SHANK2: variants seen among roughly 807,000 people sequenced by gnomAD.
The protein encoded by SHANK2 is SH3 and multiple ankyrin repeat domains 2.
Under a neutral mutation model 133.7 loss-of-function variants are expected in SHANK2, and 43 were observed. The observed-to-expected ratio is 0.32, with a 90% CI of 0.25 to 0.41. The LOEUF (loss-of-function observed/expected upper bound fraction) is 0.41. Ranked by LOEUF, SHANK2 falls within the 10% of genes least tolerant of loss-of-function variation. The pLI, the probability that SHANK2 is intolerant of heterozygous loss-of-function variation, is 1.00. For missense variants in SHANK2, 1,994 were observed against 2,235.8 expected, an observed-to-expected ratio of 0.89 and a Z score of 2.18; for synonymous variants, 1,017 against 952.8, an observed-to-expected ratio of 1.07 and a Z score of -1.24.
chr11:70,579,925 C>T (rs1258106088), intron 17 of SHANK2, among the ~76,000 whole-genome samples: 1 of 152,198 alleles, frequency 6.6e-6, no homozygotes, highest in Admixed American at 6.5e-5. Context: ...GGAACACAGG[C>T]GGCCTCTAGA....
chr11:70,899,616 G>T (rs1321640343), intron 10 of SHANK2, among the ~76,000 whole-genome samples: 1 of 152,188 alleles, frequency 6.6e-6, no homozygotes, highest in African/African-American at 2.4e-5. Context: ...CCAAAAGGGG[G>T]CCATCTCTTC....
intron 14 of SHANK2, among the ~76,000 whole-genome samples, chr11:70,721,532 T>C (rs1335162673): frequency 2.0e-5 from 3 of 152,156 alleles, no homozygotes; most frequent in African/African-American, 4.8e-5. Context: ...CTGTTCTTTC[T>C]GAGGCCAGCT....
intron 2 of SHANK2, among the ~76,000 whole-genome samples, chr11:71,209,792 G>A (rs947931698): frequency 7.2e-5 from 11 of 152,142 alleles, no homozygotes; most frequent in Non-Finnish European, 1.2e-4. Context: ...AGCACCTGCC[G>A]TGAGCTGCCT....
chr11:70,697,027 T>A (rs1945407506), intron 15 of SHANK2, among the ~76,000 whole-genome samples: 1 of 152,180 alleles, frequency 6.6e-6, no homozygotes, highest in African/African-American at 2.4e-5. Context: ...GATGAATACT[T>A]CGGGATTCCA....
chr11:70,616,930 CTGTG>C (rs1312803808), intron 17 of SHANK2, among the ~76,000 whole-genome samples: 5 of 152,152 alleles, frequency 3.3e-5, no homozygotes, highest in Non-Finnish European at 7.4e-5. Flanking sequence ...GTGTGTGCTC[CTGTG>C]TGTGTCTATG....
intron 11 of SHANK2, among the ~76,000 whole-genome samples, chr11:70,855,060 G>T (rs1465446668): frequency 6.6e-6 from 1 of 152,350 alleles, no homozygotes; most frequent in African/African-American, 2.4e-5. Flanking sequence ...CACTCTCAGT[G>T]ACCTGCTAAT....
chr11:70,824,769 G>A (rs781840159), intron 11 of SHANK2, among the ~76,000 whole-genome samples: 12 of 152,238 alleles, frequency 7.9e-5, no homozygotes, highest in Non-Finnish European at 1.6e-4. Flanking sequence ...TGGCCCAGAG[G>A]GCTTCCGGGT....
intron 1 of SHANK2, among the ~76,000 whole-genome samples, chr11:71,250,513 C>T (rs1565536440): frequency 6.6e-6 from 1 of 152,198 alleles, no homozygotes; most frequent in South Asian, 2.1e-4. Flanking sequence ...GACACGACGG[C>T]TTTCCCTCAG....
intron 8 of SHANK2, among the ~76,000 whole-genome samples, chr11:71,084,679 C>G (rs1951353633): frequency 6.6e-6 from 1 of 152,150 alleles, no homozygotes; most frequent in South Asian, 2.1e-4. Flanking sequence ...CCCACCTGCC[C>G]CTGTAATTTC....
intron 8 of SHANK2, among the ~76,000 whole-genome samples, chr11:71,090,009 C>T (rs978207511): frequency 0.95 from 144,550 of 152,200 alleles, 68,688 homozygotes; most frequent in Non-Finnish European, 0.96. Flanking sequence ...AACCCAAAAA[C>T]CTCCGAGTGC....
rs181350682 is a variant in SHANK2 at position 70,686,981 on chromosome 11, G to A, written c.1853+11707C>T. 5.9e-5 allele frequency among the ~76,000 whole-genome samples: 9 copies of A among 152,324 alleles called. No homozygotes were observed. The East Asian group carries it at 1.5e-3, about 26-fold the overall frequency. On this transcript the variant is annotated intron_variant, in intron 15 of 25. Coordinates refer to ENST00000601538, the MANE Select transcript of SHANK2 (RefSeq NM_012309.5). ...ACTAAGAGCACTCCTGCCCATCTTG[G>A]GCTGCCCTCTGGATACCTCTGCCCA...
intron 8 of SHANK2, among the ~76,000 whole-genome samples, chr11:71,075,779 G>A (rs914556686): frequency 1.4e-4 from 22 of 152,150 alleles, no homozygotes; most frequent in African/African-American, 3.9e-4. Context: ...TGCGACGGAC[G>A]GCCCCACGAC....
chr11:71,075,156 C>T lies in SHANK2; in HGVS notation c.1029+3G>A. 4.8e-6 allele frequency: 1 copy of T among 210,272 alleles called. No homozygotes were observed. Among genetic ancestry groups the T allele is most frequent in the Non-Finnish European group, 1.0e-5 (1 of 99,650 alleles). 13.0% of individuals were successfully genotyped at this position (210,272 alleles called of 1,614,324 possible). A position where few individuals can be genotyped will look rare whatever the true frequency, so the allele number is the denominator to read the frequency against. The stretch of plus-strand genomic sequence containing the variant: ...ATTTCCTTTAAATGCGCTCAGCACT[C>T]ACCTGGTTGTAGAGGGCGCAGATGT... On this transcript the variant is annotated splice_donor_region_variant and intron_variant, in intron 9 of 25. Transcript: ENST00000601538.
intron 8 of SHANK2, among the ~76,000 whole-genome samples, chr11:71,086,666 G>C (rs1253205852): frequency 2.0e-5 from 3 of 151,412 alleles, no homozygotes; most frequent in Non-Finnish European, 4.4e-5. Context: ...AGAAGGATGA[G>C]ATCCTGCTAG....
intron 17 of SHANK2, among the ~76,000 whole-genome samples, chr11:70,529,900 T>C (rs2135968572): frequency 6.6e-6 from 1 of 152,346 alleles, no homozygotes; most frequent in South Asian, 2.1e-4. Flanking sequence ...AATATTCCAT[T>C]GCACAGACAG....
chr11:70,521,662 G>A lies in SHANK2; in HGVS notation c.2062-18731C>T, dbSNP rs538597269. On this transcript the variant is annotated intron_variant, in intron 17 of 25. Transcript: ENST00000601538. ...TATGTGTATGTGTGTGTGCACGTGA[G>A]CATGTGTGTGGGTGAGTGTGAGCAT... 2.0e-5 allele frequency among the ~76,000 whole-genome samples: 3 copies of A among 152,108 alleles called. No individual in the cohort carries two copies. In the South Asian group the frequency reaches 6.2e-4, roughly 32 times the overall value.
intron 10 of SHANK2, among the ~76,000 whole-genome samples, chr11:70,913,701 G>A (rs1478177766): frequency 1.3e-5 from 2 of 152,174 alleles, no homozygotes; most frequent in Admixed American, 6.5e-5. Flanking sequence ...GAGTTTAGAC[G>A]TTGGCTCTAA....
intron 17 of SHANK2, among the ~76,000 whole-genome samples, chr11:70,657,694 C>T (rs1354935965): frequency 1.3e-5 from 2 of 152,204 alleles, no homozygotes; most frequent in Non-Finnish European, 2.9e-5. Context: ...ATCTCAGGAC[C>T]AGCCATTCCT....
chr11:70,613,644 C>T (rs1275134504), intron 17 of SHANK2, among the ~76,000 whole-genome samples: 1 of 151,980 alleles, frequency 6.6e-6, no homozygotes, highest in African/African-American at 2.4e-5. Context: ...AGGAGGTGAC[C>T]TTATTTGGAA....
Sources: allele counts gnomAD v4.1 joint callset (sites outside exome capture counted in the v4.1 genomes callset), GRCh38; gene constraint gnomAD v4.1.1; transcripts MANE v1.5; gene names NCBI Gene and HGNC (gene_info 2026-07-23, HGNC 2026-07-21).